COX16: variants seen among roughly 807,000 people sequenced by gnomAD.
COX16 encodes the protein cytochrome c oxidase assembly protein COX16 homolog, mitochondrial.
Under a neutral mutation model 15.4 loss-of-function variants are expected in COX16, and 12 were observed. The observed-to-expected ratio is 0.78, with a 90% confidence interval of 0.50 to 1.26. COX16 has a LOEUF of 1.26. Among genes scored for constraint, COX16 ranks in the 50% most tolerant of loss-of-function variants. The probability of loss-of-function intolerance (pLI) is 0.00; values close to 1 mark genes in which losing one functional copy is unlikely to be tolerated. For synonymous variants in COX16, 46 were observed against 41.1 expected (o/e 1.12, Z -0.46); for missense variants, 124 against 127.6 (o/e 0.97, Z 0.14).
At chr14:70,350,387 T>G (rs964385495) in intron 1 of COX16, among the ~76,000 whole-genome samples, 1 of 152,164 alleles carries the variant, frequency 6.6e-6, no homozygotes, top group Non-Finnish European at 1.5e-5. Flanking sequence ...TCAGCCCGCC[T>G]GCACCCAGGC....
intron 2 of COX16, among the ~76,000 whole-genome samples, chr14:70,336,553 C>G (rs1238435981): frequency 1.3e-5 from 2 of 152,112 alleles, no homozygotes; most frequent in African/African-American, 2.4e-5. Context: ...TTAATAATTG[C>G]ATGTATGTAA....
At chr14:70,327,714 C>T (rs1265992588) in intron 3 of COX16, among the ~76,000 whole-genome samples, 1 of 152,052 alleles carries the variant, frequency 6.6e-6, no homozygotes, top group African/African-American at 2.4e-5. Flanking sequence ...GTATGCTTAA[C>T]AGAACTGAAG....
intron 3 of COX16, among the ~76,000 whole-genome samples, chr14:70,326,850 TA>T (rs1886094931): frequency 6.6e-6 from 1 of 152,078 alleles, no homozygotes; most frequent in South Asian, 2.1e-4. Context: ...GTGGAGACCC[TA>T]AAGTCTTCTA....
chr14:70,329,350 G>A (rs754553697), intron 2 of COX16, 114 bp from the exon 3 acceptor site: 14 of 779,830 alleles, frequency 1.8e-5, no homozygotes, highest in East Asian at 3.5e-5. Flanking sequence ...ACAAACACAT[G>A]GCAAAATCTC....
intron 3 of COX16, 62 bp downstream of exon 3, chr14:70,329,112 T>C: frequency 1.3e-6 from 2 of 1,512,362 alleles, no homozygotes; most frequent in Non-Finnish European, 1.8e-6. Context: ...ACTAATACTT[T>C]TAAGGCAGAT....
chr14:70,340,577 A>T (rs1225095804), intron 2 of COX16, among the ~76,000 whole-genome samples: 1 of 152,176 alleles, frequency 6.6e-6, no homozygotes, highest in Non-Finnish European at 1.5e-5. Flanking sequence ...TCATCGTTGC[A>T]AATATTTTAT....
At chr14:70,328,273 C>CAGATACTTCCCT (rs1886158432) in intron 3 of COX16, 3 of 151,512 alleles carry the variant, frequency 2.0e-5, no homozygotes, top group African/African-American at 7.3e-5. Context: ...AGCCCTTCAA[C>CAGATACTTCCCT]AGATACTTCC....
intron 1 of COX16, chr14:70,359,121 CAT>C (rs1416103636): frequency 2.2e-6 from 1 of 453,734 alleles, no homozygotes; most frequent in African/African-American, 2.0e-5. Context: ...ATCGTCAAAA[CAT>C]AGCTAAGTTG....
chr14:70,355,624 TGAC>T (rs1887101678), intron 1 of COX16, among the ~76,000 whole-genome samples: 1 of 152,192 alleles, frequency 6.6e-6, no homozygotes, highest in African/African-American at 2.4e-5. Flanking sequence ...AAGTTAAACA[TGAC>T]GACATCCTGC....
intron 1 of COX16, among the ~76,000 whole-genome samples, chr14:70,357,665 T>C (rs1887172100): frequency 1.3e-5 from 2 of 152,216 alleles, no homozygotes; most frequent in South Asian, 4.1e-4. Flanking sequence ...AATAAGTCGT[T>C]AGGGAAATGA....
At chr14:70,332,551 T>C (rs1172841002) in intron 2 of COX16, among the ~76,000 whole-genome samples, 1 of 152,174 alleles carries the variant, frequency 6.6e-6, no homozygotes, top group Non-Finnish European at 1.5e-5. Context: ...ATCCTGTCTG[T>C]CTAGGGACCT....
At chr14:70,359,166 AC>A (rs1347064424) in intron 1 of COX16, 2 of 469,990 alleles carry the variant, frequency 4.3e-6, no homozygotes. Flanking sequence ...AATCATCCAA[AC>A]TTGGCTTAAA....
intron 2 of COX16, among the ~76,000 whole-genome samples, chr14:70,331,550 T>C (rs1181343525): frequency 1.3e-5 from 2 of 152,158 alleles, no homozygotes; most frequent in Non-Finnish European, 2.9e-5. Flanking sequence ...TCGGTCACCA[T>C]GGAAAATTTA....
At chr14:70,340,214 G>T (rs779457425) in intron 2 of COX16, among the ~76,000 whole-genome samples, 2 of 152,144 alleles carry the variant, frequency 1.3e-5, no homozygotes, top group Non-Finnish European at 2.9e-5. Context: ...TTTTATAAGG[G>T]ATTTCCCCCT....
chr14:70,334,246 G>A (rs1391101283), intron 2 of COX16, among the ~76,000 whole-genome samples: 1 of 152,226 alleles, frequency 6.6e-6, no homozygotes, highest in African/African-American at 2.4e-5. Context: ...ATTGTGGCCA[G>A]GCGCAGTGGC....
rs1157445184 is a variant in COX16, at chr14:70,357,176, A to C, written c.69+2343T>G. ...CGTTTGTCAAAAAAAAAAAAAAAAA[A>C]AAAAAAAAAAAAAAATTCAGAGGTA... On this transcript the variant is annotated intron_variant, in intron 1 of 3. Coordinates refer to ENST00000389912, the MANE Select transcript of COX16 (RefSeq NM_016468.7). Among the ~76,000 whole-genome samples the C allele has an allele frequency of 7.4e-5, 11 of 149,136 alleles. 1 individual carries two copies. The highest frequency in any genetic ancestry group is 2.2e-4 in the South Asian group (1 of 4,620).
chr14:70,343,047 A>AAAAAAC (rs1335703225), intron 1 of COX16, among the ~76,000 whole-genome samples: 1 of 151,158 alleles, frequency 6.6e-6, no homozygotes, highest in African/African-American at 2.4e-5. Flanking sequence ...TTTGCTAAGA[A>AAAAAAC]AAAAACAAAA....
intron 1 of COX16, among the ~76,000 whole-genome samples, chr14:70,346,613 C>A (rs995610220): frequency 3.3e-5 from 5 of 152,206 alleles, no homozygotes; most frequent in Admixed American, 6.5e-5. Flanking sequence ...GGAATGGATG[C>A]CCCGGCAACT....
chr14:70,359,656 A>C lies in COX16; in HGVS notation c.-69T>G. On this transcript the variant is annotated 5_prime_UTR_variant, in exon 1 of 4. Coordinates refer to ENST00000389912, the MANE Select transcript of COX16 (RefSeq NM_016468.7). The stretch of plus-strand genomic sequence containing the variant: ...GCAGACTCCCAAATCTCAGCAGCTC[A>C]CGCTCTCACCAAGACGAGTACGTCC... 1,192 of 1,391,940 alleles carry C rather than the reference A, an allele frequency of 8.6e-4. No individual in the cohort carries two copies. Among genetic ancestry groups the C allele is most frequent in the Non-Finnish European group, 1.1e-3 (1,066 of 979,940 alleles). The allele number at this position is 1,391,940 out of a possible 1,614,324, so 86.2% of individuals were successfully genotyped here. A position where few individuals can be genotyped will look rare whatever the true frequency, so the allele number is the denominator to read the frequency against.
Sources: gnomAD v4.1 joint callset for allele counts (sites outside exome capture counted in the v4.1 genomes callset) on GRCh38, gnomAD v4.1.1 for gene constraint, MANE v1.5 for transcripts, NCBI Gene and HGNC (gene_info 2026-07-23, HGNC 2026-07-21) for gene names.